Variants in CDH13 observed in about 807,000 individuals in gnomAD.
CDH13 encodes cadherin-13.
CDH13 carries 24 observed loss-of-function variants against 63.8 expected under a neutral mutation model. The observed-to-expected ratio is 0.38, with a 90% CI of 0.27 to 0.53. The LOEUF (loss-of-function observed/expected upper bound fraction) is 0.53, where lower values mean the gene tolerates loss of function less well. Among genes scored for constraint, CDH13 ranks in the 20% least tolerant of loss-of-function variants. The pLI, the probability that CDH13 is intolerant of heterozygous loss-of-function variation, is 0.85. For missense variants in CDH13, 1,049 were observed against 903.1 expected (o/e 1.16, Z -2.07); for synonymous variants, 503 against 355.3 (o/e 1.42, Z -4.67).
At chr16:83,668,596 C>G (rs1274391894) in intron 8 of CDH13, among the ~76,000 whole-genome samples, 1 of 152,168 alleles carries the variant, frequency 6.6e-6, no homozygotes, top group East Asian at 1.9e-4. Flanking sequence ...GGGCAGAGAA[C>G]CAGTCCTTTG....
intron 7 of CDH13, among the ~76,000 whole-genome samples, chr16:83,517,176 C>T (rs1307591862): frequency 1.3e-5 from 2 of 152,010 alleles, no homozygotes; most frequent in African/African-American, 2.4e-5. Flanking sequence ...TAAGAGGTTC[C>T]AGAGCAGCAG....
chr16:82,757,349 C>T (rs1398096901), intron 1 of CDH13, among the ~76,000 whole-genome samples: 1 of 152,152 alleles, frequency 6.6e-6, no homozygotes, highest in Non-Finnish European at 1.5e-5. Context: ...CTTACCCAAA[C>T]CCCCAAGTCC....
rs192314512 is a variant in CDH13, at chr16:83,181,019, C to G, written c.484-36326C>G. On this transcript the variant is annotated intron_variant, in intron 4 of 13. Transcript: ENST00000567109. ...GGAATAAATCACAAACATTTTACTTCCCACTAGCACTCGGTATTTCAAATC... is the reference window on the plus strand; with the variant it reads ...GGAATAAATCACAAACATTTTACTTGCCACTAGCACTCGGTATTTCAAATC... The G allele has an allele frequency of 8.0e-5, 122 of 1,515,914 alleles. 4 individuals carry two copies. The South Asian group carries it at 1.5e-3, about 19-fold the overall frequency. The allele number at this position is 1,515,914 out of a possible 1,614,324, so 93.9% of individuals were successfully genotyped here.
intron 10 of CDH13, among the ~76,000 whole-genome samples, chr16:83,712,189 G>T (rs1158205241): frequency 6.6e-6 from 1 of 152,142 alleles, no homozygotes; most frequent in Non-Finnish European, 1.5e-5. Context: ...TATATATTTG[G>T]GGAAACACAA....
At chr16:83,103,153 A>G (rs954660318) in intron 3 of CDH13, among the ~76,000 whole-genome samples, 1 of 148,854 alleles carries the variant, frequency 6.7e-6, no homozygotes, top group African/African-American at 2.5e-5. Context: ...GGGTTCCACC[A>G]TGTTGGCTAG....
chr16:82,987,112 G>T (rs1911040486), intron 2 of CDH13, among the ~76,000 whole-genome samples: 1 of 152,166 alleles, frequency 6.6e-6, no homozygotes. Flanking sequence ...GTGAGGAGCG[G>T]CTGTAGCACT....
At chr16:83,001,107 G>A (rs1168100000) in intron 2 of CDH13, among the ~76,000 whole-genome samples, 2 of 152,220 alleles carry the variant, frequency 1.3e-5, no homozygotes, top group African/African-American at 4.8e-5. Flanking sequence ...ATGTGAGAAT[G>A]TTGTCAAGAT....
intron 1 of CDH13, among the ~76,000 whole-genome samples, chr16:82,709,110 A>G (rs1311355417): frequency 6.7e-6 from 1 of 148,310 alleles, no homozygotes; most frequent in African/African-American, 2.6e-5. Context: ...TACAATGAAC[A>G]TAACAATGGA....
chr16:83,598,173 C>T (rs146144553), intron 7 of CDH13, among the ~76,000 whole-genome samples: 170 of 152,260 alleles, frequency 1.1e-3, no homozygotes, highest in African/African-American at 4.0e-3. Flanking sequence ...CAGGACCAGC[C>T]TGGGCAACAT....
rs190546187 is a variant in CDH13 at position 83,399,080 on chromosome 16, A to G, written c.781+54074A>G. ...TCCTAAAAAGGATACAAAGACCATC[A>G]GACCATAAATTGTGATTTTTCATTG... On this transcript the variant is annotated intron_variant, in intron 6 of 13. Transcript: ENST00000567109. 3.7e-3 allele frequency among the ~76,000 whole-genome samples: 566 copies of G among 152,372 alleles called. 2 individuals are homozygous for G. The highest frequency in any genetic ancestry group is 0.031 in the Middle Eastern group (9 of 294).
intron 1 of CDH13, among the ~76,000 whole-genome samples, chr16:82,692,236 C>G (rs1337789095): frequency 6.6e-6 from 1 of 152,186 alleles, no homozygotes; most frequent in Non-Finnish European, 1.5e-5. Flanking sequence ...TGTTATTAGG[C>G]TCAAATGTTC....
At chr16:83,235,213 A>G (rs1202740015) in intron 5 of CDH13, among the ~76,000 whole-genome samples, 1 of 152,142 alleles carries the variant, frequency 6.6e-6, no homozygotes, top group African/African-American at 2.4e-5. Flanking sequence ...TCAAAAAAGT[A>G]CATACACACA....
intron 2 of CDH13, among the ~76,000 whole-genome samples, chr16:82,904,916 C>G (rs539395305): frequency 1.3e-5 from 2 of 152,010 alleles, no homozygotes; most frequent in Admixed American, 6.6e-5. Flanking sequence ...CTAGGTTTCT[C>G]CCATGGAGTG....
chr16:83,303,895 G>T (rs898209229), intron 5 of CDH13, among the ~76,000 whole-genome samples: 1 of 152,100 alleles, frequency 6.6e-6, no homozygotes, highest in South Asian at 2.1e-4. Context: ...TGGGTGACAG[G>T]TGCATTGAGG....
intron 6 of CDH13, among the ~76,000 whole-genome samples, chr16:83,456,336 G>A (rs1222683581): frequency 6.6e-6 from 1 of 151,986 alleles, no homozygotes; most frequent in Non-Finnish European, 1.5e-5. Context: ...GTTGAGCACA[G>A]TGAGGCCCCG....
intron 10 of CDH13, among the ~76,000 whole-genome samples, chr16:83,713,504 G>C (rs563607991): frequency 5.5e-5 from 8 of 145,084 alleles, no homozygotes; most frequent in Non-Finnish European, 1.1e-4. Flanking sequence ...AACTTTTCTC[G>C]TCACCAAAAA....
At chr16:83,608,193 G>T (rs1333499156) in intron 8 of CDH13, among the ~76,000 whole-genome samples, 1 of 152,088 alleles carries the variant, frequency 6.6e-6, no homozygotes, top group African/African-American at 2.4e-5. Flanking sequence ...TAAATGTTTT[G>T]GTGTTTAAGC....
At chr16:83,389,184 T>G (rs1225576766) in intron 6 of CDH13, among the ~76,000 whole-genome samples, 1 of 152,222 alleles carries the variant, frequency 6.6e-6, no homozygotes, top group Non-Finnish European at 1.5e-5. Flanking sequence ...TAAAGAAACA[T>G]AATTTACAAA....
At chr16:83,287,178 G>C (rs1218613923) in intron 5 of CDH13, among the ~76,000 whole-genome samples, 1 of 152,208 alleles carries the variant, frequency 6.6e-6, no homozygotes, top group Non-Finnish European at 1.5e-5. Flanking sequence ...GAAAGGCCCA[G>C]GATGGCTAGA....
Sources: allele counts gnomAD v4.1 joint callset (sites outside exome capture counted in the v4.1 genomes callset), GRCh38; gene constraint gnomAD v4.1.1; transcripts MANE v1.5; gene names NCBI Gene and HGNC (gene_info 2026-07-23, HGNC 2026-07-21).